Variants in CLK3 observed in about 807,000 individuals in gnomAD.
CLK3 encodes the protein dual specificity protein kinase CLK3.
Under a neutral mutation model 65.2 loss-of-function variants are expected in CLK3, and 24 were observed. The observed-to-expected ratio is 0.37, with a 90% CI of 0.27 to 0.52. The LOEUF (loss-of-function observed/expected upper bound fraction) is 0.52, where lower values mean the gene tolerates loss of function less well. Among genes scored for constraint, CLK3 ranks in the 20% least tolerant of loss-of-function variants. The pLI, the probability that CLK3 is intolerant of heterozygous loss-of-function variation, is 0.92. For missense variants in CLK3, 506 were observed against 660.0 expected, an observed-to-expected ratio of 0.77 and a Z score of 2.56; for synonymous variants, 252 against 240.8, an observed-to-expected ratio of 1.05 and a Z score of -0.43.
At chr15:74,619,164 G>T (rs760961731) in intron 1 of CLK3, 33 bp from the exon 2 acceptor site, 46 of 1,610,924 alleles carry the variant, frequency 2.9e-5, no homozygotes, top group South Asian at 4.4e-5. Context: ...CTGGCTGTGT[G>T]TTTAGCAGGG....
chr15:74,623,184 C>G (rs915279162), intron 5 of CLK3, among the ~76,000 whole-genome samples: 47 of 152,216 alleles, frequency 3.1e-4, no homozygotes, highest in Admixed American at 2.5e-3. Flanking sequence ...TTTCCCCTTA[C>G]CATTCCACAA....
rs11629749 is a variant in CLK3, at chr15:74,627,252, C to G, written c.818-100C>G. On this transcript the variant is annotated intron_variant, in intron 7 of 12. Transcript: ENST00000395066. The surrounding 1 kb of genome is among the most constrained non-coding windows in gnomAD (Gnocchi z 4.3). ...CCCTGCTGAGGTGGGGGTGTGAGGA[C>G]CTCTGGCAGTTGCTGGCATTGGAAG... 214,798 of 904,086 alleles carry G rather than the reference C, an allele frequency of 0.24. 35,673 individuals carry two copies. The highest frequency in any genetic ancestry group is 0.55 in the African/African-American group (33,638 of 61,384). The allele number at this position is 904,086 out of a possible 1,614,324, so 56.0% of individuals were successfully genotyped here.
rs2062111871 is a variant in CLK3 at position 74,622,535 on chromosome 15, G to A, written c.508G>A (p.Val170Met). The A allele has an allele frequency of 1.2e-6, 2 of 1,613,306 alleles. No homozygotes were observed. Among genetic ancestry groups the A allele is most frequent in the Non-Finnish European group, 1.7e-6 (2 of 1,179,732 alleles). Residue 170 changes from valine to methionine, a missense_variant, in exon 5 of 13, where the codon GTG (valine) becomes ATG (methionine). Transcript: ENST00000395066. This position sits in a 1 kb window ranked among gnomAD's most constrained non-coding sequence, Gnocchi z 4.6. ...CCTGGGTGAAGGCACCTTTGGCAAG[G>A]TGGTGGAGTGCTTGGACCATGCCAG... ...GNLGEGTFGK[V>M]VECLDHARGK...
In CLK3 at chr15:74,615,876, C is replaced by A; in HGVS notation, c.-23C>A. The A allele has an allele frequency of 8.0e-7, 1 of 1,255,724 alleles. No homozygotes were observed. The highest frequency in any genetic ancestry group is 1.0e-6 in the Non-Finnish European group (1 of 1,000,214). The allele number at this position is 1,255,724 out of a possible 1,614,324, so 77.8% of individuals were successfully genotyped here. ...GCTCGGAGCGGGGAGTGGGGCCTAG[C>A]TGCAGCCGGAGCCTGGGAGACGGTA... On this transcript the variant is annotated 5_prime_UTR_variant, in exon 1 of 13. In the 5' UTR this introduces an upstream ATG that the reference lacks. Coordinates refer to ENST00000395066, the MANE Select transcript of CLK3 (RefSeq NM_001130028.2).
chr15:74,629,529 T>C (rs1347860396), intron 12 of CLK3, 178 bp from the exon 13 acceptor site: 1 of 606,134 alleles, frequency 1.6e-6, no homozygotes, highest in African/African-American at 1.9e-5. Context: ...AGCAAAACGT[T>C]AAACAGGCAT....
At chr15:74,620,762 C>G (rs2062095511) in intron 3 of CLK3, 1 of 153,884 alleles carries the variant, frequency 6.5e-6, no homozygotes, top group Non-Finnish European at 1.4e-5. Flanking sequence ...AGACTGGGAA[C>G]TTCCCTTCTG....
At chr15:74,608,735 C>CGCT (rs958418860) in intron 1 of CLK3, 4 of 152,262 alleles carry the variant, frequency 2.6e-5, no homozygotes, top group Non-Finnish European at 5.9e-5. Context: ...CAACCAGGAG[C>CGCT]GCTGATACCT....
upstream of CLK3, among the ~76,000 whole-genome samples, chr15:74,610,923 A>C (rs1242936636): frequency 1.3e-5 from 2 of 152,204 alleles, no homozygotes; most frequent in African/African-American, 4.8e-5. Flanking sequence ...CATGAGGCAG[A>C]GATCCTGGTA....
intron 5 of CLK3, among the ~76,000 whole-genome samples, chr15:74,623,069 T>A (rs1178697004): frequency 2.0e-5 from 3 of 152,212 alleles, no homozygotes; most frequent in Non-Finnish European, 4.4e-5. Flanking sequence ...TCAGTGTGAC[T>A]AGGGTAGTGT....
In CLK3 at chr15:74,628,681, C is replaced by G. The variant is rs1426044273; in HGVS notation, c.1203C>G (p.Thr401=). Residue 401 remains threonine (T), a splice_region_variant and synonymous_variant, in exon 11 of 13, where the codon ACC becomes ACG. Coordinates refer to ENST00000395066, the MANE Select transcript of CLK3 (RefSeq NM_001130028.2). ...TCCCATCACACATGATCCACCGTAC[C>G]AGGTAAGGACCCCAGTAGCCCCCTC... ...GPIPSHMIHR[T]RKQKYFYKGG... 1.2e-6 allele frequency: 2 copies of G among 1,611,026 alleles called. No individual in the cohort carries two copies. Among genetic ancestry groups the G allele is most frequent in the Non-Finnish European group, 1.7e-6 (2 of 1,178,450 alleles).
intron 5 of CLK3, among the ~76,000 whole-genome samples, chr15:74,623,088 C>T (rs117662184): frequency 1.1e-4 from 16 of 152,322 alleles, no homozygotes; most frequent in East Asian, 3.9e-4. Context: ...GTGTGGTCTC[C>T]GCTGAGTGTG....
intron 1 of CLK3, among the ~76,000 whole-genome samples, chr15:74,618,359 T>A (rs2062076214): frequency 6.6e-6 from 1 of 152,164 alleles, no homozygotes; most frequent in Admixed American, 6.5e-5. Flanking sequence ...GGGGCTCTTT[T>A]ACCTGCCAGA....
In CLK3 at chr15:74,628,651, G is replaced by A; in HGVS notation, c.1173G>A (p.Gly391=). The change falls in exon 11 of 13, where the codon GGG becomes GGA. Residue 391 remains glycine (G), a synonymous_variant. Transcript: ENST00000395066. ...EHLVMMEKIL[G]PIPSHMIHRT... Reference sequence around the variant, plus strand: ...TGGTGATGATGGAGAAGATCCTAGGGCCCATCCCATCACACATGATCCACC... The same window carrying A: ...TGGTGATGATGGAGAAGATCCTAGGACCCATCCCATCACACATGATCCACC... 6.2e-7 allele frequency: 1 copy of A among 1,613,670 alleles called. No individual in the cohort carries two copies. The highest frequency in any genetic ancestry group is 1.1e-5 in the South Asian group (1 of 91,062).
upstream of CLK3, chr15:74,614,782 T>C (rs1387507109): frequency 6.6e-6 from 1 of 152,126 alleles, no homozygotes; most frequent in Non-Finnish European, 1.5e-5. Context: ...GGGGAAACCC[T>C]TGGCGCCCCC....
At position 74,621,765 on chromosome 15, in the gene CLK3, G is replaced by T; in HGVS notation, c.370-355G>T. 1 of 360,052 alleles carries T rather than the reference G, an allele frequency of 2.8e-6. No homozygotes were observed. Among genetic ancestry groups the T allele is most frequent in the South Asian group, 2.1e-5 (1 of 46,970 alleles). 22.3% of individuals were successfully genotyped at this position (360,052 alleles called of 1,614,324 possible). A position where few individuals can be genotyped will look rare whatever the true frequency, so the allele number is the denominator to read the frequency against. ...AGACTCGGAGGAGGAGGAGGAGGGA[G>T]TCGGGGCGATGGCTCTCCTCACAGC... On this transcript the variant is annotated intron_variant, in intron 3 of 12. Coordinates refer to ENST00000395066, the MANE Select transcript of CLK3 (RefSeq NM_001130028.2). This position sits in a 1 kb window ranked among gnomAD's most constrained non-coding sequence, Gnocchi z 4.8.
rs759280667 is a variant in CLK3, at chr15:74,619,330, G to A, written c.134G>A (p.Arg45Gln). The change falls in exon 2 of 13, where the codon CGA becomes CAA. Residue 45 changes from arginine to glutamine, a missense_variant. By Grantham distance (43) the Arg-to-Gln change is conservative (BLOSUM62 1). Coordinates refer to ENST00000395066, the MANE Select transcript of CLK3 (RefSeq NM_001130028.2). ...CCGTCCCGAAGGGAGCCTCCCCCAC[G>A]AAGATCTCGGTCCAGAAGGTGAGAG... is the stretch of plus-strand genomic sequence containing the variant. ...RYPSRREPPP[R>Q]RSRSRSHDRL... is the part of the protein sequence containing the mutation. The A allele has an allele frequency of 1.1e-5, 17 of 1,613,988 alleles. No individual in the cohort carries two copies. The highest frequency in any genetic ancestry group is 1.6e-4 in the Middle Eastern group (1 of 6,084).
upstream of CLK3, chr15:74,615,767 GT>G (rs935698869): frequency 8.0e-6 from 10 of 1,243,038 alleles, no homozygotes; most frequent in African/African-American, 1.4e-4. Context: ...TCCGAGCCGG[GT>G]CGAGCCGAGG....
upstream of CLK3, chr15:74,615,422 G>A: frequency 2.4e-6 from 3 of 1,265,444 alleles, no homozygotes; most frequent in Non-Finnish European, 3.0e-6. Context: ...CAGACCTCAG[G>A]CCGCTCTCGC....
chr15:74,628,468 T>A, intron 10 of CLK3, 136 bp from the exon 11 acceptor site: 1 of 623,976 alleles, frequency 1.6e-6, no homozygotes, highest in Non-Finnish European at 2.9e-6. Context: ...CAGGAGAAGC[T>A]GGGGCTGCCG....
Sources: allele counts gnomAD v4.1 joint callset (sites outside exome capture counted in the v4.1 genomes callset), GRCh38; gene constraint gnomAD v4.1.1; non-coding constraint Gnocchi (gnomAD v3.1); transcripts MANE v1.5; gene names NCBI Gene and HGNC (gene_info 2026-07-23, HGNC 2026-07-21).